Variants in STK32B observed in about 807,000 individuals in gnomAD.
The protein encoded by STK32B is serine/threonine-protein kinase 32B.
STK32B carries 43 observed loss-of-function variants against 52.6 expected under a neutral mutation model. That is an observed-to-expected ratio of 0.82 (90% CI 0.64 to 1.05). STK32B has a LOEUF of 1.05. STK32B is among the 50% of genes least tolerant of loss of function. The pLI is 0.00. For synonymous variants in STK32B, 238 were observed against 204.3 expected (o/e 1.17, Z -1.41); for missense variants, 621 against 534.6 (o/e 1.16, Z -1.59).
chr4:5,165,158 A>G (rs982650821), intron 2 of STK32B, among the ~76,000 whole-genome samples: 1 of 152,196 alleles, frequency 6.6e-6, no homozygotes, highest in Non-Finnish European at 1.5e-5. Context: ...CAAGGCCCAG[A>G]TGATGAATGG....
chr4:5,176,154 G>A lies in STK32B; in HGVS notation c.260+7704G>A, dbSNP rs146510330. Among the ~76,000 whole-genome samples, 1,343 of 152,336 alleles carry A rather than the reference G, an allele frequency of 8.8e-3. 19 individuals carry two copies. Among genetic ancestry groups the A allele is most frequent in the African/African-American group, 0.03 (1,253 of 41,572 alleles). ...CGTTTGTTGCGCCCATTGGAAAAGC[G>A]TAGTATTAGGGTGGGAGTGACCCGA... On this transcript the variant is annotated intron_variant, in intron 3 of 11. Transcript: ENST00000282908.
At chr4:5,231,423 C>T (rs1356848673) in intron 3 of STK32B, among the ~76,000 whole-genome samples, 2 of 152,078 alleles carry the variant, frequency 1.3e-5, no homozygotes, top group Admixed American at 6.6e-5. Flanking sequence ...CCAGCCTGGC[C>T]AACGTGGCAA....
chr4:5,415,335 C>T (rs1344398806), intron 5 of STK32B, among the ~76,000 whole-genome samples: 1 of 151,996 alleles, frequency 6.6e-6, no homozygotes, highest in Admixed American at 6.6e-5. Context: ...AAACTGAAGC[C>T]CAGGGAGATT....
rs2109040577 is a variant in STK32B, at chr4:5,394,247, C to T, written c.435-3960C>T. The stretch of plus-strand genomic sequence containing the variant: ...TTTTATAGCCCTGCATGCGTACTTT[C>T]CATCAAAGTGTCATTTTGCCCAACT... On this transcript the variant is annotated intron_variant, in intron 4 of 11. Transcript: ENST00000282908. The surrounding 1 kb of genome is among the most constrained non-coding windows in gnomAD (Gnocchi z 4.2). Among the ~76,000 whole-genome samples the T allele has an allele frequency of 6.6e-6, 1 of 152,152 alleles. No homozygotes were observed. Among genetic ancestry groups the T allele is most frequent in the East Asian group, 1.9e-4 (1 of 5,186 alleles).
In STK32B at chr4:5,460,203, C is replaced by T. The variant is rs1716926622; in HGVS notation, c.884C>T (p.Ala295Val). 6.2e-7 allele frequency: 1 copy of T among 1,613,296 alleles called. No individual in the cohort carries two copies. The highest frequency in any genetic ancestry group is 1.3e-5 in the African/African-American group (1 of 74,902). ...DMNWDAVFKK[A>V]LMPGFVPNKG... is the part of the protein sequence containing the mutation. ...AACTGGGACGCGGTGTTCAAGAAGGCACTGATGCCCGGCTTTGTGCCCAAT... is the reference window on the plus strand; with the variant it reads ...AACTGGGACGCGGTGTTCAAGAAGGTACTGATGCCCGGCTTTGTGCCCAAT... Residue 295 changes from alanine to valine, a missense_variant, in exon 9 of 12, where the codon GCA becomes GTA. By Grantham distance (64) the Ala-to-Val change is moderately conservative. Coordinates refer to ENST00000282908, the MANE Select transcript of STK32B (RefSeq NM_018401.3). This position sits in a 1 kb window ranked among gnomAD's most constrained non-coding sequence, Gnocchi z 4.8.
chr4:5,264,755 C>G (rs534843083), intron 3 of STK32B, among the ~76,000 whole-genome samples: 3 of 152,104 alleles, frequency 2.0e-5, no homozygotes, highest in African/African-American at 7.2e-5. Context: ...CCACTGCACT[C>G]CAGCCTGGGC....
At chr4:5,200,074 G>T (rs555311952) in intron 3 of STK32B, among the ~76,000 whole-genome samples, 15 of 152,252 alleles carry the variant, frequency 9.9e-5, no homozygotes, top group African/African-American at 3.6e-4. Flanking sequence ...GTCACTAGCT[G>T]CCAGGCCTCA....
At chr4:5,468,446 C>T (rs908931161) in intron 11 of STK32B, among the ~76,000 whole-genome samples, 7 of 152,178 alleles carry the variant, frequency 4.6e-5, no homozygotes, top group African/African-American at 1.7e-4. Flanking sequence ...GTGACCTTGC[C>T]CTGCCTGAGC....
chr4:5,144,622 G>T (rs1716761582), intron 2 of STK32B, among the ~76,000 whole-genome samples: 1 of 152,174 alleles, frequency 6.6e-6, no homozygotes, highest in Non-Finnish European at 1.5e-5. Flanking sequence ...TCATGATCTT[G>T]CATGACACTC....
Position 5,339,490 on chromosome 4 carries a change from T to C in STK32B, c.434+8097T>C, listed in dbSNP as rs3733177. Among the ~76,000 whole-genome samples, 347 of 152,206 alleles carry C rather than the reference T, an allele frequency of 2.3e-3. 6 individuals are homozygous for C. In the East Asian group the frequency reaches 0.043, roughly 19 times the overall value. ...GAAACTGTGTATCTGAACACAACCA[T>C]GTGTAAGGATGTATGGAAATGCTGT... On this transcript the variant is annotated intron_variant, in intron 4 of 11. Transcript: ENST00000282908.
rs1297081251 is a variant in STK32B at position 5,394,888 on chromosome 4, A to G, written c.435-3319A>G. Among the ~76,000 whole-genome samples, 1 of 152,168 alleles carries G rather than the reference A, an allele frequency of 6.6e-6. No homozygotes were observed. Among genetic ancestry groups the G allele is most frequent in the Non-Finnish European group, 1.5e-5 (1 of 68,040 alleles). On this transcript the variant is annotated intron_variant, in intron 4 of 11. Coordinates refer to ENST00000282908, the MANE Select transcript of STK32B (RefSeq NM_018401.3). The surrounding 1 kb of genome is among the most constrained non-coding windows in gnomAD (Gnocchi z 4.2). ...CTAACTTAACAACTTAAAATAACTC[A>G]CATTTATTTTCCCTCCATTTCCGTG...
chr4:5,288,822 A>G (rs1463228319), intron 3 of STK32B, among the ~76,000 whole-genome samples: 2 of 152,184 alleles, frequency 1.3e-5, no homozygotes, highest in African/African-American at 4.8e-5. Flanking sequence ...ACCTACACCT[A>G]TGTTTTGTTC....
At chr4:5,348,780 G>C (rs1438791276) in intron 4 of STK32B, among the ~76,000 whole-genome samples, 1 of 152,194 alleles carries the variant, frequency 6.6e-6, no homozygotes, top group Non-Finnish European at 1.5e-5. Context: ...CAGGGGGCCT[G>C]AGGACAGTTT....
chr4:5,415,200 G>C (rs1428151791), intron 5 of STK32B, among the ~76,000 whole-genome samples: 1 of 152,196 alleles, frequency 6.6e-6, no homozygotes, highest in African/African-American at 2.4e-5. Context: ...ACACTTATGA[G>C]AAGCTTCTCT....
chr4:5,250,918 T>A (rs1725883769), intron 3 of STK32B, among the ~76,000 whole-genome samples: 1 of 152,222 alleles, frequency 6.6e-6, no homozygotes, highest in South Asian at 2.1e-4. Flanking sequence ...TGTTTGCTTT[T>A]TGTTTGCTAA....
At chr4:5,359,059 C>T (rs1734373003) in intron 4 of STK32B, among the ~76,000 whole-genome samples, 1 of 152,164 alleles carries the variant, frequency 6.6e-6, no homozygotes, top group Non-Finnish European at 1.5e-5. Context: ...GGGCTCACTT[C>T]AAGTCTTCTT....
intron 4 of STK32B, among the ~76,000 whole-genome samples, chr4:5,387,634 G>A (rs867503216): frequency 3.8e-4 from 58 of 152,290 alleles, no homozygotes; most frequent in Admixed American, 1.8e-3. Flanking sequence ...TGCACAGGTC[G>A]GTCAAGCGAC....
chr4:5,444,138 G>A (rs1715103931), intron 6 of STK32B, among the ~76,000 whole-genome samples: 4 of 152,194 alleles, frequency 2.6e-5, no homozygotes, highest in African/African-American at 9.6e-5. Flanking sequence ...CCCAGTTGGA[G>A]CTTCCGGGCT....
chr4:5,377,259 C>T (rs556971090), intron 4 of STK32B, among the ~76,000 whole-genome samples: 3 of 152,122 alleles, frequency 2.0e-5, no homozygotes, highest in Non-Finnish European at 4.4e-5. Context: ...TGAGGCACAG[C>T]AAAGAGTCTC....
Sources: allele counts gnomAD v4.1 joint callset (sites outside exome capture counted in the v4.1 genomes callset), GRCh38; gene constraint gnomAD v4.1.1; non-coding constraint Gnocchi (gnomAD v3.1); transcripts MANE v1.5; gene names NCBI Gene and HGNC (gene_info 2026-07-23, HGNC 2026-07-21).